Variants in INPP4B observed in about 807,000 individuals in gnomAD.
The protein encoded by INPP4B is inositol polyphosphate-4-phosphatase type II B.
Under a neutral mutation model 122.5 loss-of-function variants are expected in INPP4B, and 55 were observed. The ratio of observed to expected loss-of-function variants is 0.45; its 90% CI spans 0.36 to 0.56. The LOEUF is 0.56. INPP4B is among the 20% of genes least tolerant of loss of function. INPP4B has a pLI of 0.00. For missense variants in INPP4B, 1,000 were observed against 1,097.7 expected (o/e 0.91, Z 1.26); for synonymous variants, 403 against 388.7 (o/e 1.04, Z -0.43).
chr4:142,657,663 A>G (rs1226768140), intron 2 of INPP4B, among the ~76,000 whole-genome samples: 4 of 152,228 alleles, frequency 2.6e-5, no homozygotes, highest in Non-Finnish European at 5.9e-5. Context: ...AGGTTCAAAG[A>G]AGTGGTGAAA....
At chr4:142,074,594 T>C (rs1421226496) in intron 25 of INPP4B, among the ~76,000 whole-genome samples, 1 of 152,112 alleles carries the variant, frequency 6.6e-6, no homozygotes, top group Non-Finnish European at 1.5e-5. Context: ...TACACTATTG[T>C]TGGTAATCAG....
intron 7 of INPP4B, among the ~76,000 whole-genome samples, chr4:142,381,226 G>A (rs1247333345): frequency 6.6e-6 from 1 of 152,098 alleles, no homozygotes; most frequent in Non-Finnish European, 1.5e-5. Context: ...CAATGTATGA[G>A]AGTACGCTTT....
chr4:142,247,684 G>T (rs990150029), intron 11 of INPP4B, among the ~76,000 whole-genome samples: 1 of 151,730 alleles, frequency 6.6e-6, no homozygotes, highest in Non-Finnish European at 1.5e-5. Flanking sequence ...CCTCTCTTTT[G>T]TTCTTTATTA....
chr4:142,491,900 T>C (rs1821926659), intron 2 of INPP4B, among the ~76,000 whole-genome samples: 1 of 152,220 alleles, frequency 6.6e-6, no homozygotes, highest in African/African-American at 2.4e-5. Context: ...ATTATTTTTA[T>C]ACCTTTTTAT....
chr4:142,794,596 C>T (rs142748886), intron 1 of INPP4B, among the ~76,000 whole-genome samples: 45 of 151,646 alleles, frequency 3.0e-4, no homozygotes, highest in African/African-American at 1.0e-3. Flanking sequence ...CATAAAAAGC[C>T]CAAATCATTA....
intron 11 of INPP4B, among the ~76,000 whole-genome samples, chr4:142,247,125 C>T (rs1194380743): frequency 2.0e-5 from 3 of 152,158 alleles, no homozygotes; most frequent in African/African-American, 4.8e-5. Context: ...GAACCAGCCT[C>T]GCATCCCAAG....
Position 142,714,197 on chromosome 4 carries a change from G to A in INPP4B, c.-191+11642C>T, listed in dbSNP as rs1031075873. ...GACTTTCTTAAAGGTTCATCACATG[G>A]GTCATAAATTTAGAAATATGTTTTC... On this transcript the variant is annotated intron_variant, in intron 2 of 25. Coordinates refer to ENST00000262992, the MANE Select transcript of INPP4B (RefSeq NM_001101669.3). Among the ~76,000 whole-genome samples, 11 of 152,190 alleles carry A rather than the reference G, an allele frequency of 7.2e-5. No individual in the cohort carries two copies. The East Asian group carries it at 1.9e-3, about 27-fold the overall frequency.
chr4:142,029,050 G>T (rs1470450417), intron 25 of INPP4B, 136 bp from the exon 26 acceptor site: 2 of 1,416,056 alleles, frequency 1.4e-6, no homozygotes, highest in Non-Finnish European at 1.8e-6. Flanking sequence ...TTTTCCACAA[G>T]TGATGATACA....
intron 1 of INPP4B, among the ~76,000 whole-genome samples, chr4:142,778,729 C>A (rs1393622359): frequency 6.6e-6 from 1 of 152,124 alleles, no homozygotes; most frequent in Non-Finnish European, 1.5e-5. Context: ...AACTTACCAC[C>A]ACTACTTTGT....
At chr4:142,266,996 A>T (rs1266594174) in intron 10 of INPP4B, among the ~76,000 whole-genome samples, 1 of 152,300 alleles carries the variant, frequency 6.6e-6, no homozygotes, top group East Asian at 1.9e-4. Context: ...AGTAAATTTA[A>T]CCAAGGATTT....
Position 142,252,150 on chromosome 4 carries a change from T to A in INPP4B, c.688+8342A>T, listed in dbSNP as rs146307650. ...AGAGGATTATCTAAGACAAGGTACA[T>A]AAGGTATTAGCATATTGCCTGTCAC... On this transcript the variant is annotated intron_variant, in intron 11 of 25. Coordinates refer to ENST00000262992, the MANE Select transcript of INPP4B (RefSeq NM_001101669.3). Among the ~76,000 whole-genome samples the A allele has an allele frequency of 4.2e-3, 644 of 151,846 alleles. 5 individuals carry two copies. Among genetic ancestry groups the A allele is most frequent in the African/African-American group, 0.015 (620 of 41,470 alleles).
intron 2 of INPP4B, among the ~76,000 whole-genome samples, chr4:142,641,127 T>A (rs369134699): frequency 3.3e-5 from 5 of 152,090 alleles, no homozygotes; most frequent in African/African-American, 1.2e-4. Flanking sequence ...TGCACAAGAA[T>A]GTTACAGCAG....
intron 2 of INPP4B, among the ~76,000 whole-genome samples, chr4:142,603,398 A>C (rs371010368): frequency 2.6e-5 from 4 of 152,194 alleles, no homozygotes; most frequent in African/African-American, 9.6e-5. Context: ...AAGTTGAAAA[A>C]AAGAAAAAAA....
intron 20 of INPP4B, 130 bp from the exon 21 acceptor site, chr4:142,122,375 T>TA: frequency 1.4e-6 from 1 of 696,888 alleles, no homozygotes. Flanking sequence ...GAACCTACTC[T>TA]AGACACTTTT....
chr4:142,281,718 A>T (rs1397321658), intron 9 of INPP4B, among the ~76,000 whole-genome samples: 1 of 152,034 alleles, frequency 6.6e-6, no homozygotes, highest in African/African-American at 2.4e-5. Flanking sequence ...TTTAAATTAC[A>T]CAATGAGGCA....
At chr4:142,419,369 A>G (rs1806397515) in intron 5 of INPP4B, among the ~76,000 whole-genome samples, 1 of 152,132 alleles carries the variant, frequency 6.6e-6, no homozygotes, top group South Asian at 2.1e-4. Flanking sequence ...GGGAAAAGTA[A>G]TTTGCACTGG....
chr4:142,382,685 A>G (rs1390890826), intron 7 of INPP4B, among the ~76,000 whole-genome samples: 6 of 125,970 alleles, frequency 4.8e-5, no homozygotes, highest in Non-Finnish European at 9.9e-5. Flanking sequence ...TTATATATAA[A>G]AAATTAGGTC....
At chr4:142,448,711 T>C (rs1018493820) in intron 3 of INPP4B, among the ~76,000 whole-genome samples, 2 of 152,190 alleles carry the variant, frequency 1.3e-5, no homozygotes, top group African/African-American at 4.8e-5. Context: ...AAGGCTACCA[T>C]CATTGTAGGA....
At chr4:142,523,441 T>C (rs1409618487) in intron 2 of INPP4B, among the ~76,000 whole-genome samples, 1 of 152,058 alleles carries the variant, frequency 6.6e-6, no homozygotes, top group Non-Finnish European at 1.5e-5. Flanking sequence ...TTCTGATGCC[T>C]TTACTTGCTT....
Sources: allele counts gnomAD v4.1 joint callset (sites outside exome capture counted in the v4.1 genomes callset), GRCh38; gene constraint gnomAD v4.1.1; transcripts MANE v1.5; gene names NCBI Gene and HGNC (gene_info 2026-07-23, HGNC 2026-07-21).